The following CHMP5 variants were observed in gnomAD, a reference collection of about 807,000 sequenced individuals.
The protein encoded by CHMP5 is charged multivesicular body protein 5, also known as SNF7 domain containing 2.
CHMP5 carries 17 observed loss-of-function variants against 33.0 expected under a neutral mutation model. The observed-to-expected ratio is 0.52, with a 90% CI of 0.35 to 0.77. The LOEUF (loss-of-function observed/expected upper bound fraction) is 0.77. Ranked by LOEUF, CHMP5 falls within the 30% of genes least tolerant of loss-of-function variation. The pLI, the probability that CHMP5 is intolerant of heterozygous loss-of-function variation, is 0.01. For missense variants in CHMP5, 216 were observed against 261.5 expected (o/e 0.83, Z 1.20); for synonymous variants, 76 against 90.2 (o/e 0.84, Z 0.89).
intron 7 of CHMP5, among the ~76,000 whole-genome samples, chr9:33,280,196 C>T (rs552560124): frequency 1.2e-4 from 18 of 152,234 alleles, no homozygotes; most frequent in South Asian, 6.2e-4. Flanking sequence ...AGGCTGGCCT[C>T]GAACTCCTGA....
intron 5 of CHMP5, among the ~76,000 whole-genome samples, chr9:33,273,891 T>TCA (rs1820823454): frequency 6.6e-6 from 1 of 152,222 alleles, no homozygotes; most frequent in Non-Finnish European, 1.5e-5. Context: ...CTTGACTTGA[T>TCA]TAGCTTTCTC....
At chr9:33,277,889 C>G (rs949120113) in intron 6 of CHMP5, 2 of 396,990 alleles carry the variant, frequency 5.0e-6, no homozygotes, top group African/African-American at 4.0e-5. Flanking sequence ...TCAATTGCCC[C>G]TGATAAGTCT....
Position 33,265,126 on chromosome 9 carries a change from CCTGA to C in CHMP5, c.56_59del (p.Asp19AlafsTer23), listed in dbSNP as rs1820691288. On this transcript the variant is annotated frameshift_variant, in exon 1 of 8. Coordinates refer to ENST00000223500, the MANE Select transcript of CHMP5 (RefSeq NM_016410.6). LOFTEE classifies it high-confidence loss of function. ...CGAAACCCAAGGCTCCGCCGCCCAGCCTGACTGACTGCATTGGCACGGTGGGCAT... is the reference window on the plus strand; with the variant it reads ...CGAAACCCAAGGCTCCGCCGCCCAGCCTGACTGCATTGGCACGGTGGGCAT... 2 of 1,614,076 alleles carry C rather than the reference CCTGA, an allele frequency of 1.2e-6. No individual in the cohort carries two copies. Among genetic ancestry groups the C allele is most frequent in the East Asian group, 2.2e-5 (1 of 44,890 alleles).
chr9:33,279,967 T>C (rs947939552), intron 7 of CHMP5, among the ~76,000 whole-genome samples: 7 of 146,302 alleles, frequency 4.8e-5, no homozygotes, highest in Non-Finnish European at 1.0e-4. Context: ...TATATGGGGG[T>C]TTTGTTGTTG....
At chr9:33,274,372 C>T (rs1820829064) in intron 5 of CHMP5, among the ~76,000 whole-genome samples, 1 of 152,202 alleles carries the variant, frequency 6.6e-6, no homozygotes, top group African/African-American at 2.4e-5. Context: ...CTGCACCCAG[C>T]AGAATTTTCA....
intron 4 of CHMP5, 118 bp from the exon 5 acceptor site, chr9:33,271,034 G>T (rs528307099): frequency 1.3e-6 from 1 of 781,880 alleles, no homozygotes; most frequent in East Asian, 2.7e-5. Flanking sequence ...GTGAGCCATT[G>T]CACTCCAGCC....
chr9:33,268,228 GC>G (rs1030334576), intron 3 of CHMP5, among the ~76,000 whole-genome samples: 1 of 152,194 alleles, frequency 6.6e-6, no homozygotes, highest in African/African-American at 2.4e-5. Flanking sequence ...AATTTAAGTA[GC>G]CTTATATGGT....
At chr9:33,275,098 G>A (rs548078854) in intron 5 of CHMP5, among the ~76,000 whole-genome samples, 3 of 152,312 alleles carry the variant, frequency 2.0e-5, no homozygotes, top group Admixed American at 6.5e-5. Context: ...TCATATTACA[G>A]TTTACCCTTG....
chr9:33,265,139 A>T lies in CHMP5; in HGVS notation c.61A>T (p.Ile21Phe). The T allele has an allele frequency of 6.2e-7, 1 of 1,614,084 alleles. No homozygotes were observed. Among genetic ancestry groups the T allele is most frequent in the Non-Finnish European group, 8.5e-7 (1 of 1,180,000 alleles). The change falls in exon 1 of 8, where the codon ATT (isoleucine) becomes TTT (phenylalanine). Residue 21 changes from isoleucine to phenylalanine, a missense_variant. Physicochemically the swap from Ile to Phe is conservative, Grantham distance 21. Coordinates refer to ENST00000223500, the MANE Select transcript of CHMP5 (RefSeq NM_016410.6). ...KAPPPSLTDC[I>F]GTVDSRAESI... is the part of the protein sequence containing the mutation. ...TCCGCCGCCCAGCCTGACTGACTGCATTGGCACGGTGGGCATTTGATCATG... is the reference window on the plus strand; with the variant it reads ...TCCGCCGCCCAGCCTGACTGACTGCTTTGGCACGGTGGGCATTTGATCATG...
intron 7 of CHMP5, 28 bp downstream of exon 7, chr9:33,278,253 A>G (rs778904769): frequency 3.0e-6 from 4 of 1,338,548 alleles, no homozygotes; most frequent in African/African-American, 1.4e-5. Flanking sequence ...TTATATTTCA[A>G]TGCAAAATAG....
chr9:33,275,825 C>T (rs374724997), intron 5 of CHMP5, among the ~76,000 whole-genome samples: 2 of 152,122 alleles, frequency 1.3e-5, no homozygotes, highest in East Asian at 1.9e-4. Flanking sequence ...GCCTAACCAA[C>T]ATGGCAAAAC....
chr9:33,278,099 T>G lies in CHMP5; in HGVS notation c.497-14T>G. 6.5e-7 allele frequency: 1 copy of G among 1,533,394 alleles called. No homozygotes were observed. The highest frequency in any genetic ancestry group is 9.0e-7 in the Non-Finnish European group (1 of 1,114,598). The allele number at this position is 1,533,394 out of a possible 1,614,324, so 95.0% of individuals were successfully genotyped here. On this transcript the variant is annotated splice_polypyrimidine_tract_variant and intron_variant, in intron 6 of 7. Coordinates refer to ENST00000223500, the MANE Select transcript of CHMP5 (RefSeq NM_016410.6). ...GGTTACATTTTTTTTAAATGTTGAC[T>G]GTTTCAATCTCAGAGTTGGATGCAC...
intron 6 of CHMP5, 100 bp downstream of exon 6, chr9:33,276,664 T>A: frequency 2.9e-6 from 2 of 687,202 alleles, no homozygotes; most frequent in Non-Finnish European, 5.1e-6. Flanking sequence ...TCTATCAGGA[T>A]TTCCTGAAGG....
At chr9:33,265,753 T>C (rs989725084) in intron 1 of CHMP5, among the ~76,000 whole-genome samples, 3 of 152,174 alleles carry the variant, frequency 2.0e-5, no homozygotes, top group Non-Finnish European at 2.9e-5. Context: ...AACTCAGTGA[T>C]TCTCAAATTA....
At chr9:33,266,760 T>C (rs1478730896) in intron 2 of CHMP5, among the ~76,000 whole-genome samples, 1 of 152,116 alleles carries the variant, frequency 6.6e-6, no homozygotes, top group African/African-American at 2.4e-5. Flanking sequence ...TCAGGTTAGG[T>C]TGGTATATTA....
chr9:33,271,893 A>G (rs1363215396), intron 5 of CHMP5, among the ~76,000 whole-genome samples: 2 of 152,134 alleles, frequency 1.3e-5, no homozygotes, highest in African/African-American at 2.4e-5. Flanking sequence ...TGTTTCTTCG[A>G]TGGTAGTGGT....
intron 5 of CHMP5, among the ~76,000 whole-genome samples, chr9:33,271,495 G>A (rs1008617300): frequency 2.0e-5 from 3 of 152,202 alleles, no homozygotes; most frequent in Non-Finnish European, 4.4e-5. Flanking sequence ...TATGCATTCA[G>A]TAGAAACCAT....
intron 2 of CHMP5, 47 bp from the exon 3 acceptor site, chr9:33,267,806 A>G (rs1208261187): frequency 8.5e-6 from 11 of 1,299,032 alleles, no homozygotes; most frequent in Admixed American, 1.7e-5. Context: ...CTTTTACCGT[A>G]TATGTGTTTT....
chr9:33,267,947 G>C (rs774406190), intron 3 of CHMP5, 48 bp downstream of exon 3: 3 of 1,277,094 alleles, frequency 2.3e-6, no homozygotes, highest in South Asian at 1.2e-5. Flanking sequence ...AACTAAAAGA[G>C]AAATGGTCTT....
Sources: gnomAD v4.1 joint callset for allele counts (sites outside exome capture counted in the v4.1 genomes callset) on GRCh38, gnomAD v4.1.1 for gene constraint, MANE v1.5 for transcripts, NCBI Gene and HGNC (gene_info 2026-07-23, HGNC 2026-07-21) for gene names.